Variants in CFAP77 observed in about 807,000 individuals in gnomAD.
CFAP77 encodes cilia and flagella associated protein 77.
A neutral mutation model predicts 31.1 loss-of-function variants in CFAP77; 25 were observed. The observed-to-expected ratio is 0.80, with a 90% CI of 0.59 to 1.12. The LOEUF (loss-of-function observed/expected upper bound fraction) is 1.12, where lower values mean the gene tolerates loss of function less well. Ranked by LOEUF, CFAP77 falls within the 50% of genes most tolerant of loss-of-function variation. CFAP77 has a pLI of 0.00. For missense variants in CFAP77, 377 were observed against 397.3 expected (o/e 0.95, Z 0.44); for synonymous variants, 151 against 159.9 (o/e 0.94, Z 0.42).
intron 3 of CFAP77, among the ~76,000 whole-genome samples, chr9:132,506,396 G>A (rs1423105706): frequency 6.6e-6 from 1 of 152,102 alleles, no homozygotes; most frequent in African/African-American, 2.4e-5. Context: ...CATCTTAATT[G>A]TTACTGCTCC....
In CFAP77 at chr9:132,499,698, C is replaced by T. The variant is rs532919745; in HGVS notation, c.524+98C>T. On this transcript the variant is annotated intron_variant, in intron 3 of 5. Coordinates refer to ENST00000393216, the MANE Select transcript of CFAP77 (RefSeq NM_001282957.2). The surrounding 1 kb of genome is among the most constrained non-coding windows in gnomAD (Gnocchi z 5.4). ...GAGGGTGACAGGGAAGTGGAGCATC[C>T]TCCCAGCCCCACTGTCCTCTCTTCA... 5 of 1,044,342 alleles carry T rather than the reference C, an allele frequency of 4.8e-6. No homozygotes were observed. The highest frequency in any genetic ancestry group is 3.1e-5 in the African/African-American group (2 of 63,650). 64.7% of individuals were successfully genotyped at this position (1,044,342 alleles called of 1,614,324 possible). A position where few individuals can be genotyped will look rare whatever the true frequency, so the allele number is the denominator to read the frequency against.
intron 3 of CFAP77, among the ~76,000 whole-genome samples, chr9:132,532,810 A>C (rs1348424649): frequency 6.6e-6 from 1 of 152,170 alleles, no homozygotes; most frequent in Admixed American, 6.6e-5. Context: ...ACATTTTGGG[A>C]GGCAGAGGCA....
At chr9:132,513,947 A>T (rs1306638841) in intron 3 of CFAP77, among the ~76,000 whole-genome samples, 1 of 98,158 alleles carries the variant, frequency 1.0e-5, no homozygotes. Flanking sequence ...CCCTGACCAC[A>T]GATGACAGTG....
At chr9:132,412,544 C>T (rs1165661367) in intron 1 of CFAP77, among the ~76,000 whole-genome samples, 1 of 152,018 alleles carries the variant, frequency 6.6e-6, no homozygotes, top group East Asian at 1.9e-4. Flanking sequence ...CTTTTCTGGA[C>T]CCTTTTTGCA....
intron 1 of CFAP77, among the ~76,000 whole-genome samples, chr9:132,414,725 G>T (rs1002472832): frequency 1.3e-5 from 2 of 152,044 alleles, no homozygotes; most frequent in Non-Finnish European, 1.5e-5. Context: ...GCTCCATTCC[G>T]CCCTCCTCGG....
chr9:132,470,502 A>G (rs111568723), intron 1 of CFAP77, among the ~76,000 whole-genome samples: 5,332 of 152,290 alleles, frequency 0.035, 124 homozygotes, highest in Middle Eastern at 0.078. Flanking sequence ...CTCGCATCCC[A>G]GTGTTCTCTC....
At chr9:132,518,889 G>T (rs1045866288) in intron 3 of CFAP77, among the ~76,000 whole-genome samples, 1 of 152,234 alleles carries the variant, frequency 6.6e-6, no homozygotes, top group African/African-American at 2.4e-5. Context: ...GGGCTGCAGC[G>T]TGGCTACCCC....
chr9:132,449,898 T>TG (rs1554737766), intron 1 of CFAP77, among the ~76,000 whole-genome samples: 1 of 88,812 alleles, frequency 1.1e-5, no homozygotes, highest in Non-Finnish European at 2.5e-5. Flanking sequence ...TTAAGAGTTT[T>TG]TTTGTTTGTT....
intron 1 of CFAP77, among the ~76,000 whole-genome samples, chr9:132,467,514 T>C (rs1189188196): frequency 6.6e-6 from 1 of 152,250 alleles, no homozygotes; most frequent in East Asian, 1.9e-4. Context: ...CATTGTAGCA[T>C]GTGTCAGAAT....
At chr9:132,458,352 G>GGGT (rs1554738874) in intron 1 of CFAP77, among the ~76,000 whole-genome samples, 1 of 98,650 alleles carries the variant, frequency 1.0e-5, no homozygotes, top group Non-Finnish European at 2.2e-5. Flanking sequence ...CGGGGGAGGG[G>GGGT]GGGGGGTGTG....
At chr9:132,533,800 G>A (rs572737921) in intron 3 of CFAP77, among the ~76,000 whole-genome samples, 2 of 152,204 alleles carry the variant, frequency 1.3e-5, no homozygotes, top group South Asian at 4.1e-4. Flanking sequence ...AGAGTCACTC[G>A]AACCCAGGAG....
intron 5 of CFAP77, among the ~76,000 whole-genome samples, chr9:132,548,588 G>A (rs957876992): frequency 6.6e-6 from 1 of 152,036 alleles, no homozygotes; most frequent in Non-Finnish European, 1.5e-5. Context: ...GCTGACTTCC[G>A]GAGCCTGGAT....
rs532948883 is a variant in CFAP77 at position 132,523,437 on chromosome 9, T to C, written c.525-14164T>C. On this transcript the variant is annotated intron_variant, in intron 3 of 5. Transcript: ENST00000393216. ...CACGTTTGTGCAGAGGCACCTGTAC[T>C]GTATGTCTCCTCCCCTGACTTCTTG... 1.5e-4 allele frequency among the ~76,000 whole-genome samples: 23 copies of C among 152,348 alleles called. No individual in the cohort carries two copies. In the East Asian group the frequency reaches 4.2e-3, roughly 28 times the overall value.
At position 132,512,672 on chromosome 9, in the gene CFAP77, C is replaced by T. The variant is rs375894708; in HGVS notation, c.524+13072C>T. Among the ~76,000 whole-genome samples the T allele has an allele frequency of 4.6e-5, 7 of 152,338 alleles. No homozygotes were observed. The South Asian group carries it at 1.0e-3, about 23-fold the overall frequency. On this transcript the variant is annotated intron_variant, in intron 3 of 5. Coordinates refer to ENST00000393216, the MANE Select transcript of CFAP77 (RefSeq NM_001282957.2). ...CAAAAGATGATAGGTATAGGCCAGG[C>T]GTGGTGGCTTACACCTGTAATCCCA...
In CFAP77 at chr9:132,505,374, A is replaced by G. The variant is rs891336269; in HGVS notation, c.524+5774A>G. 7.7e-4 allele frequency among the ~76,000 whole-genome samples: 117 copies of G among 152,166 alleles called. 1 individual carries two copies. Among genetic ancestry groups the G allele is most frequent in the Non-Finnish European group, 3.8e-4 (26 of 68,022 alleles). On this transcript the variant is annotated intron_variant, in intron 3 of 5. Transcript: ENST00000393216. ...TCCCAGTTATCCTATTTGGTTCCCA[A>G]TCCACACCGATTTGCTGCAGGTTGT... is the stretch of plus-strand genomic sequence containing the variant.
At chr9:132,485,724 C>T (rs1421788307) in intron 1 of CFAP77, among the ~76,000 whole-genome samples, 1 of 151,950 alleles carries the variant, frequency 6.6e-6, no homozygotes, top group Admixed American at 6.6e-5. Flanking sequence ...TGCACTCCAT[C>T]GCGGCGGTGA....
chr9:132,436,107 G>C (rs1441890748), intron 1 of CFAP77, among the ~76,000 whole-genome samples: 1 of 152,150 alleles, frequency 6.6e-6, no homozygotes, highest in Non-Finnish European at 1.5e-5. Flanking sequence ...CAACTTGGTG[G>C]CTTGAAATAA....
intron 3 of CFAP77, among the ~76,000 whole-genome samples, chr9:132,507,679 CA>C (rs577381095): frequency 2.0e-4 from 30 of 152,132 alleles, no homozygotes; most frequent in Non-Finnish European, 3.5e-4. Flanking sequence ...ATCCGATGGC[CA>C]AAAAAATCCA....
chr9:132,529,824 C>CAA (rs572231164), intron 3 of CFAP77, among the ~76,000 whole-genome samples: 9 of 116,090 alleles, frequency 7.8e-5, no homozygotes, highest in African/African-American at 2.5e-4. Context: ...GACTCTGTCT[C>CAA]AAAAAAAAAA....
Sources: allele counts gnomAD v4.1 joint callset (sites outside exome capture counted in the v4.1 genomes callset), GRCh38; gene constraint gnomAD v4.1.1; non-coding constraint Gnocchi (gnomAD v3.1); transcripts MANE v1.5; gene names NCBI Gene and HGNC (gene_info 2026-07-23, HGNC 2026-07-21).